Variants in DSTN observed in about 807,000 individuals in gnomAD.
DSTN encodes destrin.
A neutral mutation model predicts 16.8 loss-of-function variants in DSTN; 10 were observed. The ratio of observed to expected loss-of-function variants is 0.60; its 90% confidence interval spans 0.37 to 1.01. The LOEUF (loss-of-function observed/expected upper bound fraction) is 1.01. DSTN is among the 50% of genes least tolerant of loss of function. The pLI, the probability that DSTN is intolerant of heterozygous loss-of-function variation, is 0.01. For missense variants in DSTN, 141 were observed against 196.7 expected (o/e 0.72, Z 1.69); for synonymous variants, 57 against 58.9 (o/e 0.97, Z 0.14).
At chr20:17,579,483 T>G (rs756461331) in intron 1 of DSTN, among the ~76,000 whole-genome samples, 3 of 151,940 alleles carry the variant, frequency 2.0e-5, no homozygotes, top group Non-Finnish European at 4.4e-5. Flanking sequence ...CTTGGGAGGC[T>G]GAGGTGAGAG....
In DSTN at chr20:17,574,996, A is replaced by G. The variant is rs181869694; in HGVS notation, c.3+4785A>G. Among the ~76,000 whole-genome samples, 18 of 148,414 alleles carry G rather than the reference A, an allele frequency of 1.2e-4. 1 individual carries two copies. Among genetic ancestry groups the G allele is most frequent in the Admixed American group, 1.2e-3 (17 of 14,578 alleles). On this transcript the variant is annotated intron_variant, in intron 1 of 3. Transcript: ENST00000246069. ...CTCAGCCTGCGGAGTAGCTGGGACT[A>G]CAGATGTGCACCACCACACCCAGCT...
intron 2 of DSTN, 67 bp downstream of exon 2, chr20:17,601,112 C>T: frequency 6.7e-7 from 1 of 1,489,534 alleles, no homozygotes; most frequent in Non-Finnish European, 8.9e-7. Flanking sequence ...AGACCAGTTC[C>T]AGCACCAAAG....
chr20:17,596,711 G>A, intron 1 of DSTN: 10 of 985,246 alleles, frequency 1.0e-5, no homozygotes, highest in Non-Finnish European at 1.2e-5. Flanking sequence ...AGTGTCTAAT[G>A]GTATAAGAAA....
chr20:17,579,245 C>T (rs1057505348), intron 1 of DSTN, among the ~76,000 whole-genome samples: 1 of 152,048 alleles, frequency 6.6e-6, no homozygotes, highest in Non-Finnish European at 1.5e-5. Context: ...GTACCTACCA[C>T]CACAACAGTA....
At chr20:17,606,794 A>C (rs1018918288) in intron 3 of DSTN, among the ~76,000 whole-genome samples, 1 of 152,164 alleles carries the variant, frequency 6.6e-6, no homozygotes, top group Non-Finnish European at 1.5e-5. Context: ...TGCTATACCT[A>C]TATATATAAT....
At chr20:17,593,054 G>A (rs2035487172) in intron 1 of DSTN, among the ~76,000 whole-genome samples, 1 of 152,160 alleles carries the variant, frequency 6.6e-6, no homozygotes, top group African/African-American at 2.4e-5. Context: ...TGAACCTTCT[G>A]TTGGAGGCCT....
intron 1 of DSTN, among the ~76,000 whole-genome samples, chr20:17,585,243 T>TA (rs1331372598): frequency 3.0e-4 from 46 of 152,194 alleles, no homozygotes; most frequent in Admixed American, 2.9e-3. Context: ...TGGGAATTGT[T>TA]AAAGACTTAA....
intron 3 of DSTN, 135 bp from the exon 4 acceptor site, chr20:17,606,902 C>G: frequency 1.5e-6 from 1 of 674,264 alleles, no homozygotes; most frequent in Non-Finnish European, 2.5e-6. Flanking sequence ...TTTCTCGTTA[C>G]TGTGTAGTAT....
chr20:17,596,561 T>G (rs1337798790), intron 1 of DSTN: 1 of 946,220 alleles, frequency 1.1e-6, no homozygotes, highest in Admixed American at 6.2e-5. Flanking sequence ...TGTCCTTGAA[T>G]TTTTCTGTTT....
In DSTN at chr20:17,604,637, T is replaced by A; in HGVS notation, c.388+6T>A. On this transcript the variant is annotated splice_donor_region_variant and intron_variant, in intron 3 of 3. Coordinates refer to ENST00000246069, the MANE Select transcript of DSTN (RefSeq NM_006870.4). ...AATTAAAAAGAAATTTCAAGGTATG[T>A]TCTAGATGACCTCTGAATATGTAGA... 6.2e-7 allele frequency: 1 copy of A among 1,611,010 alleles called. No homozygotes were observed. The highest frequency in any genetic ancestry group is 8.5e-7 in the Non-Finnish European group (1 of 1,179,070).
intron 1 of DSTN, among the ~76,000 whole-genome samples, chr20:17,589,700 TATAA>T (rs746080107): frequency 1.4e-4 from 22 of 152,350 alleles, no homozygotes; most frequent in Non-Finnish European, 2.2e-4. Flanking sequence ...CAAGGCATGG[TATAA>T]ATAAAGTAGA....
intron 1 of DSTN, among the ~76,000 whole-genome samples, chr20:17,575,828 G>A (rs1208924756): frequency 6.6e-6 from 1 of 152,136 alleles, no homozygotes; most frequent in Non-Finnish European, 1.5e-5. Context: ...GCGCCCAGCC[G>A]TGAAAGTATC....
rs1027516816 is a variant in DSTN, at chr20:17,588,577, C to G, written c.4-12161C>G. ...CGGGCGGATCACAAGGTCAGGAGAT[C>G]GAGACCATCCTGGCTAACATGGTGA... On this transcript the variant is annotated intron_variant, in intron 1 of 3. Coordinates refer to ENST00000246069, the MANE Select transcript of DSTN (RefSeq NM_006870.4). Among the ~76,000 whole-genome samples, 11 of 152,178 alleles carry G rather than the reference C, an allele frequency of 7.2e-5. No individual in the cohort carries two copies. The East Asian group carries it at 1.2e-3, about 16-fold the overall frequency.
intron 1 of DSTN, among the ~76,000 whole-genome samples, chr20:17,586,719 A>G (rs2035413118): frequency 6.6e-6 from 1 of 152,224 alleles, no homozygotes; most frequent in Admixed American, 6.5e-5. Flanking sequence ...CTGCATTGTT[A>G]ACTAGAAAGA....
At chr20:17,585,864 C>G (rs1452219247) in intron 1 of DSTN, among the ~76,000 whole-genome samples, 1 of 152,212 alleles carries the variant, frequency 6.6e-6, no homozygotes, top group Non-Finnish European at 1.5e-5. Flanking sequence ...CTTCTTTTCA[C>G]TCAGCATAAA....
At chr20:17,599,920 AC>A (rs2035568499) in intron 1 of DSTN, 1 of 152,234 alleles carries the variant, frequency 6.6e-6, no homozygotes, top group African/African-American at 2.4e-5. Context: ...AACATGCAAA[AC>A]AAAGTAGTTA....
chr20:17,576,815 C>T (rs145528414), intron 1 of DSTN, among the ~76,000 whole-genome samples: 120 of 152,280 alleles, frequency 7.9e-4, no homozygotes, highest in African/African-American at 2.8e-3. Flanking sequence ...GAATTTCCTA[C>T]CCTTGTTTCT....
At chr20:17,604,015 GT>G (rs2035613971) in intron 2 of DSTN, among the ~76,000 whole-genome samples, 1 of 152,014 alleles carries the variant, frequency 6.6e-6, no homozygotes, top group Admixed American at 6.6e-5. Flanking sequence ...TTTTTTTTAA[GT>G]TTTTGATTTA....
intron 1 of DSTN, among the ~76,000 whole-genome samples, chr20:17,571,683 A>G (rs2035209010): frequency 6.6e-6 from 1 of 152,224 alleles, no homozygotes; most frequent in Non-Finnish European, 1.5e-5. Flanking sequence ...TCTGCTCTAG[A>G]GACTTCTGAT....
Sources: allele counts gnomAD v4.1 joint callset (sites outside exome capture counted in the v4.1 genomes callset), GRCh38; gene constraint gnomAD v4.1.1; transcripts MANE v1.5; gene names NCBI Gene and HGNC (gene_info 2026-07-23, HGNC 2026-07-21).